Variants in POLA1 observed in about 807,000 individuals in gnomAD.
POLA1 encodes the protein DNA polymerase alpha 1, catalytic subunit.
POLA1 carries 15 observed loss-of-function variants against 124.0 expected under a neutral mutation model. That is an observed-to-expected ratio of 0.12 (90% CI 0.08 to 0.19). POLA1 has a LOEUF of 0.19. POLA1 is among the 10% of genes least tolerant of loss of function. POLA1 has a pLI of 1.00. For synonymous variants in POLA1, 408 were observed against 389.4 expected (o/e 1.05, Z -0.56); for missense variants, 886 against 1,103.4 (o/e 0.80, Z 2.79).
chrX:24,971,392 C>G (rs2048300714), intron 36 of POLA1, among the ~76,000 whole-genome samples: 1 of 112,836 alleles, frequency 8.9e-6, no homozygotes, highest in South Asian at 3.7e-4. Context: ...CTCATCAAAA[C>G]TGCAAGAAAG....
intron 35 of POLA1, among the ~76,000 whole-genome samples, chrX:24,892,547 G>T (rs2047154606): frequency 8.9e-6 from 1 of 111,976 alleles, no homozygotes; most frequent in African/African-American, 3.2e-5. Context: ...GGTGAAATGT[G>T]TATGGATGTG....
At chrX:24,741,600 T>A in intron 21 of POLA1, 96 bp downstream of exon 21, 1 of 717,785 alleles carries the variant, frequency 1.4e-6, no homozygotes. Flanking sequence ...AAATGCATGC[T>A]TATAAAATGA....
intron 14 of POLA1, 39 bp downstream of exon 14, chrX:24,727,110 C>CTGAT (rs765956993): frequency 3.6e-6 from 4 of 1,099,603 alleles, no homozygotes; most frequent in Non-Finnish European, 4.9e-6. Flanking sequence ...GAATAGATTG[C>CTGAT]TGATAGATGT....
intron 35 of POLA1, among the ~76,000 whole-genome samples, chrX:24,925,880 G>A (rs1346343823): frequency 1.8e-5 from 2 of 110,928 alleles, no homozygotes; most frequent in Non-Finnish European, 3.8e-5. Flanking sequence ...CTCCGGAGTA[G>A]CTGGGACTCA....
At chrX:24,784,094 A>G (rs772723649) in intron 26 of POLA1, among the ~76,000 whole-genome samples, 44 of 84,110 alleles carry the variant, frequency 5.2e-4, no homozygotes, top group Non-Finnish European at 8.9e-4. Context: ...ATGGAGTCTC[A>G]CTGTGTCACC....
chrX:24,932,777 T>C (rs1315202762), intron 36 of POLA1, among the ~76,000 whole-genome samples: 2 of 112,119 alleles, frequency 1.8e-5, no homozygotes, highest in East Asian at 5.5e-4. Context: ...ATTGAAACTC[T>C]TTGAGTTTCC....
intron 36 of POLA1, among the ~76,000 whole-genome samples, chrX:24,959,337 G>A (rs183559329): frequency 0.011 from 1,245 of 110,222 alleles, 15 homozygotes; most frequent in African/African-American, 0.038. Context: ...GGTGGTACAC[G>A]CCTGTAATCG....
intron 10 of POLA1, among the ~76,000 whole-genome samples, 182 bp from the exon 11 acceptor site, chrX:24,722,973 T>A (rs1930294547): frequency 8.9e-6 from 1 of 112,491 alleles, no homozygotes; most frequent in Admixed American, 9.4e-5. Flanking sequence ...GTTAGTGTAG[T>A]ATGGCATCAG....
intron 34 of POLA1, among the ~76,000 whole-genome samples, chrX:24,862,736 A>G (rs1472952588): frequency 1.8e-5 from 2 of 112,196 alleles, no homozygotes; most frequent in Non-Finnish European, 1.9e-5. Flanking sequence ...CTTTCCTTGA[A>G]CTTAACAGTT....
At chrX:24,702,589 C>G (rs1928529489) in intron 2 of POLA1, among the ~76,000 whole-genome samples, 1 of 112,333 alleles carries the variant, frequency 8.9e-6, no homozygotes, top group Non-Finnish European at 1.9e-5. Context: ...GGAGGACCTG[C>G]CACTCTCTGG....
chrX:24,806,028 T>C (rs2045790808), intron 26 of POLA1, among the ~76,000 whole-genome samples: 2 of 102,344 alleles, frequency 2.0e-5, no homozygotes, highest in Admixed American at 1.1e-4. Flanking sequence ...GATTGTTGAC[T>C]TCTAGAACAT....
At chrX:24,857,925 T>C (rs947109169) in intron 34 of POLA1, among the ~76,000 whole-genome samples, 1 of 111,611 alleles carries the variant, frequency 9.0e-6, no homozygotes, top group East Asian at 2.8e-4. Flanking sequence ...AAAATACATG[T>C]TAATGAATTC....
At chrX:24,808,411 A>G (rs2045841345) in intron 26 of POLA1, among the ~76,000 whole-genome samples, 5 of 112,653 alleles carry the variant, frequency 4.4e-5, no homozygotes, top group African/African-American at 1.6e-4. Flanking sequence ...TAAACTGATC[A>G]TAGTTTCCAG....
chrX:24,732,447 C>G lies in POLA1; in HGVS notation c.1764C>G (p.His588Gln), dbSNP rs769474913. 1 of 1,150,443 alleles carries G rather than the reference C, an allele frequency of 8.7e-7. No individual in the cohort carries two copies. The allele number at this position is 1,150,443 out of a possible 1,213,427, so 94.8% of individuals were successfully genotyped here. A position where few individuals can be genotyped will look rare whatever the true frequency, so the allele number is the denominator to read the frequency against. The part of the protein sequence containing the change: ...KAAPKPPFQS[H>Q]FCVVSKPKDC... The stretch of plus-strand genomic sequence containing the variant: ...CCCCAAAGCCTCCCTTTCAGTCACA[C>G]TTCTGTGGTATGTATTTTTTTTTAA... The change falls in exon 16 of 37, where the codon CAC becomes CAG. Residue 588 changes from histidine (H) to glutamine (Q), a missense_variant. Physicochemically the swap from His to Gln is conservative, Grantham distance 24 (BLOSUM62 0). Coordinates refer to ENST00000379068, the MANE Select transcript of POLA1 (RefSeq NM_001330360.2).
chrX:24,760,307 C>G (rs1034379135), intron 26 of POLA1, among the ~76,000 whole-genome samples: 3 of 111,595 alleles, frequency 2.7e-5, no homozygotes, highest in African/African-American at 9.8e-5. Flanking sequence ...ACCTCACAGG[C>G]TTTCCCTTTC....
intron 36 of POLA1, among the ~76,000 whole-genome samples, chrX:24,940,926 T>G (rs2047903283): frequency 8.9e-6 from 1 of 112,236 alleles, no homozygotes; most frequent in African/African-American, 3.2e-5. Flanking sequence ...TCCAGAATTG[T>G]TTCATGGTCT....
At chrX:24,990,723 G>A (rs892411350) in intron 36 of POLA1, among the ~76,000 whole-genome samples, 4 of 112,019 alleles carry the variant, frequency 3.6e-5, no homozygotes. Flanking sequence ...GTGGCTGGCC[G>A]GGAATTGGAA....
At chrX:24,941,400 CAT>C (rs1439825383) in intron 36 of POLA1, among the ~76,000 whole-genome samples, 1 of 111,911 alleles carries the variant, frequency 8.9e-6, no homozygotes, top group African/African-American at 3.2e-5. Flanking sequence ...TGTGAATTGG[CAT>C]ATGTCATTAT....
chrX:24,694,985 G>C (rs1372215934), intron 1 of POLA1, among the ~76,000 whole-genome samples: 5 of 112,069 alleles, frequency 4.5e-5, no homozygotes, highest in Admixed American at 3.8e-4. Flanking sequence ...GTATGTGAAC[G>C]AACAGTCTTT....
Sources: allele counts gnomAD v4.1 joint callset (sites outside exome capture counted in the v4.1 genomes callset), GRCh38; gene constraint gnomAD v4.1.1; transcripts MANE v1.5; gene names NCBI Gene and HGNC (gene_info 2026-07-23, HGNC 2026-07-21).